GRAMD1B: variants seen among roughly 807,000 people sequenced by gnomAD.
GRAMD1B encodes the protein protein Aster-B.
GRAMD1B carries 37 observed loss-of-function variants against 99.7 expected under a neutral mutation model. The ratio of observed to expected loss-of-function variants is 0.37; its 90% CI spans 0.29 to 0.49. The LOEUF (loss-of-function observed/expected upper bound fraction) is 0.49, where lower values mean the gene tolerates loss of function less well. Among genes scored for constraint, GRAMD1B ranks in the 20% least tolerant of loss-of-function variants. GRAMD1B has a pLI of 0.98. For synonymous variants in GRAMD1B, 427 were observed against 387.6 expected (o/e 1.10, Z -1.19); for missense variants, 888 against 1,009.2 (o/e 0.88, Z 1.63).
rs753619594 is a variant in GRAMD1B at position 123,621,919 on chromosome 11, TCTTCCTTC to T, written c.2545-575_2545-568del. ...TTCTTTTTCTCTTTCTTTCTTTTCT[TCTTCCTTC>T]CTTCCTTCCTTTCTCTCTTTCTTTC... On this transcript the variant is annotated intron_variant, in intron 19 of 19. Transcript: ENST00000635736. Among the ~76,000 whole-genome samples the T allele has an allele frequency of 1.2e-4, 18 of 150,712 alleles. 1 individual carries two copies. Among genetic ancestry groups the T allele is most frequent in the African/African-American group, 3.7e-4 (15 of 40,980 alleles).
intron 2 of GRAMD1B, among the ~76,000 whole-genome samples, chr11:123,568,244 G>C (rs1947619368): frequency 6.6e-6 from 1 of 152,228 alleles, no homozygotes. Flanking sequence ...GTGAGGGGCG[G>C]AGTGCAGAAG....
chr11:123,388,946 G>T (rs1223900036), intron 1 of GRAMD1B, among the ~76,000 whole-genome samples: 1 of 152,044 alleles, frequency 6.6e-6, no homozygotes. Context: ...TTCAGTCCGG[G>T]GATCAAGGTC....
intron 1 of GRAMD1B, among the ~76,000 whole-genome samples, chr11:123,447,673 G>C (rs189897249): frequency 6.6e-6 from 1 of 152,180 alleles, no homozygotes; most frequent in Non-Finnish European, 1.5e-5. Flanking sequence ...GTACATTTCT[G>C]TTTCATCTTG....
At chr11:123,462,410 A>C (rs1385267065) in intron 1 of GRAMD1B, among the ~76,000 whole-genome samples, 1 of 152,154 alleles carries the variant, frequency 6.6e-6, no homozygotes, top group African/African-American at 2.4e-5. Flanking sequence ...GACTTCCCAG[A>C]TGCTCTTGCT....
chr11:123,431,882 A>G, intron 1 of GRAMD1B: 1 of 393,158 alleles, frequency 2.5e-6, no homozygotes, highest in Non-Finnish European at 4.5e-6. Flanking sequence ...GCCCTAGAGC[A>G]GCTCTACACA....
chr11:123,522,014 GT>G (rs773070088), intron 2 of GRAMD1B, among the ~76,000 whole-genome samples: 3 of 152,110 alleles, frequency 2.0e-5, no homozygotes, highest in African/African-American at 4.8e-5. Flanking sequence ...AGATATGGAA[GT>G]CTTTGCAATC....
At chr11:123,516,215 A>G (rs558195875) in intron 2 of GRAMD1B, among the ~76,000 whole-genome samples, 4 of 152,336 alleles carry the variant, frequency 2.6e-5, no homozygotes, top group African/African-American at 9.6e-5. Context: ...TGCATGGAAA[A>G]GCATTTACTG....
At chr11:123,524,847 G>C (rs542899366) in intron 2 of GRAMD1B, among the ~76,000 whole-genome samples, 84 of 152,234 alleles carry the variant, frequency 5.5e-4, no homozygotes, top group Non-Finnish European at 1.2e-3. Flanking sequence ...CTCTTTGTTC[G>C]TTGTCACCCA....
intron 3 of GRAMD1B, among the ~76,000 whole-genome samples, chr11:123,582,310 G>T (rs1476535845): frequency 6.6e-6 from 1 of 152,222 alleles, no homozygotes; most frequent in East Asian, 1.9e-4. Flanking sequence ...CCAGAAGGGG[G>T]TAGCCTTGGC....
At chr11:123,486,570 C>G (rs2953197) in intron 2 of GRAMD1B, among the ~76,000 whole-genome samples, 117,400 of 146,758 alleles carry the variant, frequency 0.8, 47,599 homozygotes, top group African/African-American at 0.95. Context: ...AAAAAAAAAA[C>G]AAAAAGAAAA....
chr11:123,581,329 C>G (rs1271291276), intron 3 of GRAMD1B, among the ~76,000 whole-genome samples: 1 of 152,240 alleles, frequency 6.6e-6, no homozygotes, highest in African/African-American at 2.4e-5. Context: ...TCCCTCTGGC[C>G]TGGTCCTCCA....
intron 1 of GRAMD1B, among the ~76,000 whole-genome samples, chr11:123,456,836 C>G (rs1479431766): frequency 6.7e-6 from 1 of 149,224 alleles, no homozygotes; most frequent in Non-Finnish European, 1.5e-5. Context: ...AGGAGAATCA[C>G]TTGAACCTGG....
chr11:123,515,454 G>C (rs935086707), intron 2 of GRAMD1B, among the ~76,000 whole-genome samples: 1 of 152,204 alleles, frequency 6.6e-6, no homozygotes, highest in African/African-American at 2.4e-5. Flanking sequence ...TCAGACTTCA[G>C]ATTTGACTAT....
intron 1 of GRAMD1B, among the ~76,000 whole-genome samples, chr11:123,359,909 A>G (rs185391766): frequency 6.6e-6 from 1 of 152,156 alleles, no homozygotes; most frequent in African/African-American, 2.4e-5. Context: ...CCTTTTGGAG[A>G]TACAAATAGT....
intron 3 of GRAMD1B, among the ~76,000 whole-genome samples, chr11:123,583,682 G>C (rs1466180937): frequency 6.6e-6 from 1 of 152,076 alleles, no homozygotes; most frequent in Non-Finnish European, 1.5e-5. Flanking sequence ...TGTTTTGCTT[G>C]TTCTGAATTA....
At chr11:123,516,104 C>T (rs1365800909) in intron 2 of GRAMD1B, among the ~76,000 whole-genome samples, 1 of 152,198 alleles carries the variant, frequency 6.6e-6, no homozygotes, top group Non-Finnish European at 1.5e-5. Flanking sequence ...CCACATTGTC[C>T]TAATTTTTCT....
At chr11:123,547,555 C>T (rs1945140305) in intron 2 of GRAMD1B, among the ~76,000 whole-genome samples, 1 of 152,230 alleles carries the variant, frequency 6.6e-6, no homozygotes, top group Admixed American at 6.5e-5. Flanking sequence ...ATTATGCCAT[C>T]TGATAACCTC....
intron 1 of GRAMD1B, among the ~76,000 whole-genome samples, chr11:123,436,310 A>T (rs964270542): frequency 2.6e-5 from 4 of 152,092 alleles, no homozygotes; most frequent in East Asian, 1.9e-4. Context: ...ACAACCACTG[A>T]TCTATAGAGA....
rs997314951 is a variant in GRAMD1B, at chr11:123,440,787, TG to T, written c.374+9626del. Among the ~76,000 whole-genome samples the T allele has an allele frequency of 2.6e-5, 4 of 152,058 alleles. 1 individual carries two copies. Among genetic ancestry groups the T allele is most frequent in the African/African-American group, 9.7e-5 (4 of 41,410 alleles). ...GCTTCTATTCCTGGTGGAAAGCAAATGGGGGTTGATATGGCTTGGCTGCGTC... is the reference window on the plus strand; with the variant it reads ...GCTTCTATTCCTGGTGGAAAGCAAATGGGGTTGATATGGCTTGGCTGCGTC... On this transcript the variant is annotated intron_variant, in intron 1 of 19. Coordinates refer to ENST00000635736, the MANE Select transcript of GRAMD1B (RefSeq NM_001387025.1).
Sources: allele counts gnomAD v4.1 joint callset (sites outside exome capture counted in the v4.1 genomes callset), GRCh38; gene constraint gnomAD v4.1.1; transcripts MANE v1.5; gene names NCBI Gene and HGNC (gene_info 2026-07-23, HGNC 2026-07-21).